Variants in HEATR4 observed in about 807,000 individuals in gnomAD.
The protein encoded by HEATR4 is HEAT repeat containing 4.
HEATR4 carries 95 observed loss-of-function variants against 108.8 expected under a neutral mutation model. The observed-to-expected ratio is 0.87, with a 90% confidence interval of 0.74 to 1.04. The LOEUF (loss-of-function observed/expected upper bound fraction) is 1.04. Among genes scored for constraint, HEATR4 ranks in the 50% least tolerant of loss-of-function variants. HEATR4 has a pLI of 0.00. For synonymous variants in HEATR4, 443 were observed against 459.4 expected, an observed-to-expected ratio of 0.96 and a Z score of 0.46; for missense variants, 1,152 against 1,253.8, an observed-to-expected ratio of 0.92 and a Z score of 1.23.
At chr14:73,595,864 A>G in the HEATR4 span, 6 of 469,492 alleles carry the variant, frequency 1.3e-5, no homozygotes, top group African/African-American at 8.0e-5. Flanking sequence ...TGACACATAT[A>G]AGTGAAAAAC....
At chr14:73,613,034 T>G in the HEATR4 span, 2 of 790,438 alleles carry the variant, frequency 2.5e-6, no homozygotes, top group Non-Finnish European at 3.7e-6. Context: ...GCCGGATGAG[T>G]AGTCTGCCCA....
chr14:73,580,488 G>A, the HEATR4 span, among the ~76,000 whole-genome samples: 1 of 152,012 alleles, frequency 6.6e-6, no homozygotes, highest in Non-Finnish European at 1.5e-5. Flanking sequence ...GGAGAAGTGA[G>A]TGTAGTTATT....
intron 7 of HEATR4, among the ~76,000 whole-genome samples, chr14:73,509,862 A>T (rs868838293): frequency 0.016 from 1,014 of 63,122 alleles, 117 homozygotes; most frequent in African/African-American, 0.064. Context: ...ATATATATAT[A>T]TATATATTTA....
intron 15 of HEATR4, 68 bp downstream of exon 15, chr14:73,496,532 AG>A: frequency 1.1e-6 from 1 of 914,494 alleles, no homozygotes; most frequent in Non-Finnish European, 1.8e-6. Context: ...ATGTTTGAGG[AG>A]GACAGGGTCT....
the HEATR4 span, among the ~76,000 whole-genome samples, chr14:73,589,893 GGTGA>G: frequency 1.3e-5 from 2 of 152,076 alleles, no homozygotes; most frequent in Non-Finnish European, 2.9e-5. Flanking sequence ...AAACCTTTGC[GGTGA>G]GTGTTACAGC....
rs1470495866 is a variant in HEATR4 at position 73,553,748 on chromosome 14, C to T, written c.-152+5003G>A. The stretch of plus-strand genomic sequence containing the variant: ...CTCCCAGGTTCAAGCAATTCTTGTG[C>T]CTCAGCCTCCCTAGTAGCTGGGATT... On this transcript the variant is annotated intron_variant, in intron 1 of 17. Coordinates refer to ENST00000553558, the MANE Select transcript of HEATR4 (RefSeq NM_001220484.1). Among the ~76,000 whole-genome samples, 11 of 112,658 alleles carry T rather than the reference C, an allele frequency of 9.8e-5. 4 individuals carry two copies. The allele number at this position is 112,658 out of a possible 152,430, so 73.9% of individuals were successfully genotyped here. A position where few individuals can be genotyped will look rare whatever the true frequency, so the allele number is the denominator to read the frequency against.
At chr14:73,491,136 G>A (rs1423377904) in intron 17 of HEATR4, 1 of 1,607,580 alleles carries the variant, frequency 6.2e-7, no homozygotes, top group Non-Finnish European at 8.5e-7. Context: ...AGGAAGATAC[G>A]AAAGCAGCTG....
At chr14:73,491,324 G>A in intron 17 of HEATR4, 1 of 1,499,222 alleles carries the variant, frequency 6.7e-7, no homozygotes. Context: ...CCTGGGGCCC[G>A]CAGAGCTGCT....
chr14:73,509,276 A>G lies in HEATR4; in HGVS notation c.1720+36T>C, dbSNP rs183082925. 807 of 1,600,356 alleles carry G rather than the reference A, an allele frequency of 5.0e-4. 9 individuals carry two copies. In the East Asian group the frequency reaches 0.013, roughly 25 times the overall value. On this transcript the variant is annotated intron_variant, in intron 8 of 17. Coordinates refer to ENST00000553558, the MANE Select transcript of HEATR4 (RefSeq NM_001220484.1). ...AAGCTGATAGTGAGATGTCTATCCC[A>G]TATTTCCAGGTCAGAAGTAACAGGG...
chr14:73,523,777 A>G (rs116748341), intron 2 of HEATR4, among the ~76,000 whole-genome samples: 1,854 of 152,300 alleles, frequency 0.012, 47 homozygotes, highest in African/African-American at 0.043. Flanking sequence ...GTGCTGCTCC[A>G]TAACTCTTTC....
At chr14:73,588,105 G>A in the HEATR4 span, among the ~76,000 whole-genome samples, 4 of 151,590 alleles carry the variant, frequency 2.6e-5, no homozygotes, top group South Asian at 2.1e-4. Flanking sequence ...GGGTTCAAGC[G>A]ATTCTCCTGC....
At position 73,508,119 on chromosome 14, in the gene HEATR4, G is replaced by A. The variant is rs1034977024; in HGVS notation, c.1881+15C>T. 8.7e-6 allele frequency: 14 copies of A among 1,612,420 alleles called. No homozygotes were observed. Among genetic ancestry groups the A allele is most frequent in the Non-Finnish European group, 1.2e-5 (14 of 1,178,704 alleles). The stretch of plus-strand genomic sequence containing the variant: ...GCTCCCCAAAACTGTGTCTGACCCG[G>A]TAATGGACACATACTGTCTTCTCAC... On this transcript the variant is annotated intron_variant, in intron 9 of 17. Coordinates refer to ENST00000553558, the MANE Select transcript of HEATR4 (RefSeq NM_001220484.1).
the HEATR4 span, chr14:73,569,511 G>C: frequency 1.9e-6 from 3 of 1,609,670 alleles, no homozygotes; most frequent in South Asian, 2.2e-5. Context: ...CCTAGCCCCG[G>C]AGCAGCCGGT....
At chr14:73,503,134 G>GT (rs1566827680) in intron 10 of HEATR4, 121 bp from the exon 11 acceptor site, 1 of 777,222 alleles carries the variant, frequency 1.3e-6, no homozygotes, top group Non-Finnish European at 2.1e-6. Flanking sequence ...TGTCCTGAGT[G>GT]TTTTTTCCCA....
chr14:73,519,128 T>C lies in HEATR4; in HGVS notation c.1105A>G (p.Arg369Gly). Residue 369 changes from arginine to glycine, a missense_variant, in exon 5 of 18, where the codon AGA becomes GGA. Transcript: ENST00000553558. Reference protein sequence around the residue: ...VQIIHQIGAKRDQIVLENLNR... With the variant: ...VQIIHQIGAKGDQIVLENLNR... ...AGGTTTTCCAGGACAATCTGGTCTCTCTTTGCACCAATCTGGTGGATGATC... is the reference window on the plus strand; with the variant it reads ...AGGTTTTCCAGGACAATCTGGTCTCCCTTTGCACCAATCTGGTGGATGATC... 2 of 1,613,852 alleles carry C rather than the reference T, an allele frequency of 1.2e-6. No individual in the cohort carries two copies. The highest frequency in any genetic ancestry group is 1.7e-6 in the Non-Finnish European group (2 of 1,179,872).
the HEATR4 span, chr14:73,595,006 G>A: frequency 1.2e-6 from 2 of 1,602,992 alleles, no homozygotes; most frequent in South Asian, 2.2e-5. Context: ...CACCCAATCT[G>A]GATAAGTTAT....
intron 5 of HEATR4, among the ~76,000 whole-genome samples, chr14:73,515,734 T>G (rs1400378057): frequency 1.9e-5 from 2 of 106,736 alleles, no homozygotes; most frequent in African/African-American, 7.4e-5. Flanking sequence ...TTAGCAAAGA[T>G]GCCCATACAA....
rs753361060 is a variant in HEATR4 at position 73,522,389 on chromosome 14, T to A, written c.764A>T (p.Asp255Val). 1 of 1,614,220 alleles carries A rather than the reference T, an allele frequency of 6.2e-7. No individual in the cohort carries two copies. The highest frequency in any genetic ancestry group is 8.5e-7 in the Non-Finnish European group (1 of 1,180,032). Residue 255 changes from aspartate (D) to valine (V), a missense_variant, in exon 3 of 18, where the codon GAC (aspartate) becomes GTC (valine). By Grantham distance (152) the Asp-to-Val change is radical. Transcript: ENST00000553558. Reference protein sequence around the residue: ...HIRDELTSASDLELLKQLEAE... With the variant: ...HIRDELTSASVLELLKQLEAE... ...CTCCAGCTGTTTCAGGAGCTCCAGG[T>A]CACTGGCAGAGGTAAGCTCATCCCG...
chr14:73,502,795 C>G, intron 11 of HEATR4, 100 bp downstream of exon 11: 1 of 818,852 alleles, frequency 1.2e-6, no homozygotes, highest in Non-Finnish European at 2.1e-6. Context: ...GATCCGCCCA[C>G]CCCGTCTTCC....
Sources: gnomAD v4.1 joint callset for allele counts (sites outside exome capture counted in the v4.1 genomes callset) on GRCh38, gnomAD v4.1.1 for gene constraint, MANE v1.5 for transcripts, NCBI Gene and HGNC (gene_info 2026-07-23, HGNC 2026-07-21) for gene names.